PRR5L: variants seen among roughly 807,000 people sequenced by gnomAD.
PRR5L encodes the protein proline rich 5 like.
PRR5L carries 21 observed loss-of-function variants against 36.4 expected under a neutral mutation model. The ratio of observed to expected loss-of-function variants is 0.58; its 90% CI spans 0.41 to 0.83. The LOEUF is 0.83. Among genes scored for constraint, PRR5L ranks in the 40% least tolerant of loss-of-function variants. PRR5L has a pLI of 0.00. For synonymous variants in PRR5L, 188 were observed against 197.0 expected, an observed-to-expected ratio of 0.95 and a Z score of 0.38; for missense variants, 381 against 473.3, an observed-to-expected ratio of 0.80 and a Z score of 1.81.
At chr11:36,459,684 G>T (rs922847180) in intron 8 of PRR5L, among the ~76,000 whole-genome samples, 5 of 152,194 alleles carry the variant, frequency 3.3e-5, no homozygotes, top group African/African-American at 1.2e-4. Flanking sequence ...ATTATTCACA[G>T]ATACAAGATG....
chr11:36,458,111 G>A (rs1859103051), intron 8 of PRR5L, among the ~76,000 whole-genome samples: 1 of 152,218 alleles, frequency 6.6e-6, no homozygotes, highest in Non-Finnish European at 1.5e-5. Context: ...TGTATTCTTG[G>A]TTGCTCCTTG....
chr11:36,381,531 G>A (rs1229142377), intron 1 of PRR5L: 1 of 152,124 alleles, frequency 6.6e-6, no homozygotes, highest in Non-Finnish European at 1.5e-5. Context: ...CTCAAACCCT[G>A]TCACAACCTG....
chr11:36,439,906 A>G (rs1021086825), intron 6 of PRR5L, among the ~76,000 whole-genome samples: 22 of 152,172 alleles, frequency 1.4e-4, no homozygotes, highest in African/African-American at 4.6e-4. Flanking sequence ...GTGAGGAGAC[A>G]GGCTTGGTTT....
intron 1 of PRR5L, among the ~76,000 whole-genome samples, chr11:36,328,162 T>C (rs1856683901): frequency 6.6e-6 from 1 of 152,184 alleles, no homozygotes; most frequent in African/African-American, 2.4e-5. Context: ...ATTTGGGGTC[T>C]TATACTATCA....
chr11:36,349,292 A>AG (rs1439451910), intron 1 of PRR5L, among the ~76,000 whole-genome samples: 3 of 151,598 alleles, frequency 2.0e-5, no homozygotes, highest in African/African-American at 7.3e-5. Flanking sequence ...AAAAAAAAAA[A>AG]AAAAGAAAAA....
chr11:36,451,264 T>C lies in PRR5L; in HGVS notation c.641T>C (p.Val214Ala), dbSNP rs752549636. 3 of 1,614,088 alleles carry C rather than the reference T, an allele frequency of 1.9e-6. No individual in the cohort carries two copies. Among genetic ancestry groups the C allele is most frequent in the Admixed American group, 3.3e-5 (2 of 60,006 alleles). Residue 214 changes from valine to alanine, a missense_variant, in exon 8 of 9, where the codon GTG (valine) becomes GCG (alanine). Val to Ala is a moderately conservative substitution (Grantham distance 64). Coordinates refer to ENST00000530639, the MANE Select transcript of PRR5L (RefSeq NM_001160167.2). ...AGTTATTTGCAACTGGAGGAGCTGGTGAAGCAAGTGGTTTCTCCTTTCCTC... is the reference window on the plus strand; with the variant it reads ...AGTTATTTGCAACTGGAGGAGCTGGCGAAGCAAGTGGTTTCTCCTTTCCTC... The part of the protein sequence containing the change: ...SESYLQLEEL[V>A]KQVVSPFLGI...
chr11:36,350,718 G>A (rs534753337), intron 1 of PRR5L, among the ~76,000 whole-genome samples: 1 of 150,682 alleles, frequency 6.6e-6, no homozygotes, highest in Admixed American at 6.7e-5. Flanking sequence ...GAGTCCCCAA[G>A]TCCACTGTAT....
At chr11:36,401,915 C>T (rs565830894) in intron 2 of PRR5L, among the ~76,000 whole-genome samples, 20 of 152,152 alleles carry the variant, frequency 1.3e-4, no homozygotes, top group Non-Finnish European at 2.4e-4. Flanking sequence ...TCAGCCTATC[C>T]GAGAGTGGGC....
At chr11:36,328,739 A>G (rs1434775154) in intron 1 of PRR5L, among the ~76,000 whole-genome samples, 2 of 152,238 alleles carry the variant, frequency 1.3e-5, no homozygotes. Context: ...AAACTCCCAC[A>G]GAGGGCATTA....
chr11:36,379,693 G>A (rs771048106), intron 1 of PRR5L, among the ~76,000 whole-genome samples: 51 of 152,192 alleles, frequency 3.4e-4, no homozygotes, highest in Non-Finnish European at 6.5e-4. Flanking sequence ...TTTTACAAGA[G>A]AAGATTTCAC....
intron 2 of PRR5L, among the ~76,000 whole-genome samples, chr11:36,402,795 G>C (rs1895838): frequency 0.23 from 34,499 of 152,026 alleles, 5,670 homozygotes; most frequent in African/African-American, 0.48. Context: ...CCTCACACGA[G>C]TGGACATGTG....
At chr11:36,434,157 C>T (rs944531708) in intron 5 of PRR5L, among the ~76,000 whole-genome samples, 3 of 152,308 alleles carry the variant, frequency 2.0e-5, no homozygotes, top group East Asian at 3.9e-4. Flanking sequence ...TTCTGTCCCC[C>T]TGCCCTGGCA....
chr11:36,390,149 G>A (rs921866790), intron 1 of PRR5L, among the ~76,000 whole-genome samples: 8 of 152,230 alleles, frequency 5.3e-5, no homozygotes, highest in Non-Finnish European at 1.2e-4. Flanking sequence ...AGGAGGTGGG[G>A]AGGGTGCTCT....
intron 1 of PRR5L, among the ~76,000 whole-genome samples, chr11:36,351,348 T>TATCA (rs1856945922): frequency 1.1e-5 from 1 of 87,230 alleles, no homozygotes; most frequent in Non-Finnish European, 1.9e-5. Context: ...TTATAATATA[T>TATCA]AATAAATATA....
At chr11:36,300,188 A>G (rs1029183554) in intron 1 of PRR5L, among the ~76,000 whole-genome samples, 1 of 152,146 alleles carries the variant, frequency 6.6e-6, no homozygotes, top group African/African-American at 2.4e-5. Context: ...TTTAAAGAAA[A>G]GAGGTTTATT....
chr11:36,356,311 A>G (rs1857027324), intron 1 of PRR5L, among the ~76,000 whole-genome samples: 1 of 152,158 alleles, frequency 6.6e-6, no homozygotes, highest in Admixed American at 6.5e-5. Flanking sequence ...AATTGTGACC[A>G]AGTAAAAGCC....
intron 1 of PRR5L, among the ~76,000 whole-genome samples, chr11:36,314,560 T>C (rs1317320832): frequency 6.6e-6 from 1 of 152,254 alleles, no homozygotes; most frequent in Non-Finnish European, 1.5e-5. Context: ...AGGGTTCCCC[T>C]TGATGCCCTT....
chr11:36,444,094 G>C (rs1590597807), intron 6 of PRR5L, among the ~76,000 whole-genome samples: 1 of 152,306 alleles, frequency 6.6e-6, no homozygotes, highest in Middle Eastern at 3.4e-3. Flanking sequence ...AAATATGTTT[G>C]AAACACACAC....
chr11:36,300,500 G>A (rs1856363371), intron 1 of PRR5L, among the ~76,000 whole-genome samples: 1 of 152,100 alleles, frequency 6.6e-6, no homozygotes. Context: ...TTCAACATGA[G>A]ATTTAGAGGA....
Sources: gnomAD v4.1 joint callset for allele counts (sites outside exome capture counted in the v4.1 genomes callset) on GRCh38, gnomAD v4.1.1 for gene constraint, MANE v1.5 for transcripts, NCBI Gene and HGNC (gene_info 2026-07-23, HGNC 2026-07-21) for gene names.